The following MITF variants were observed in gnomAD, a reference collection of about 807,000 sequenced individuals.
The protein encoded by MITF is microphthalmia-associated transcription factor.
Under a neutral mutation model 60.5 loss-of-function variants are expected in MITF, and 17 were observed. The observed-to-expected ratio is 0.28, with a 90% CI of 0.19 to 0.42. The LOEUF (loss-of-function observed/expected upper bound fraction) is 0.42, where lower values mean the gene tolerates loss of function less well. MITF is among the 10% of genes least tolerant of loss of function. The pLI, the probability that MITF is intolerant of heterozygous loss-of-function variation, is 1.00. For missense variants in MITF, 622 were observed against 683.5 expected (o/e 0.91, Z 1.00); for synonymous variants, 260 against 248.5 (o/e 1.05, Z -0.43).
At chr3:69,862,493 A>G (rs1377560371) in intron 1 of MITF, among the ~76,000 whole-genome samples, 4 of 152,220 alleles carry the variant, frequency 2.6e-5, no homozygotes, top group Non-Finnish European at 5.9e-5. Flanking sequence ...ATAAGAAAAT[A>G]TGGTGTGCTC....
intron 1 of MITF, among the ~76,000 whole-genome samples, chr3:69,756,892 G>A (rs1704171859): frequency 6.6e-6 from 1 of 152,156 alleles, no homozygotes; most frequent in Non-Finnish European, 1.5e-5. Context: ...CAGTGATGAT[G>A]ATCTTTTTTA....
chr3:69,910,993 C>T (rs2065212146), intron 2 of MITF, among the ~76,000 whole-genome samples: 1 of 152,062 alleles, frequency 6.6e-6, no homozygotes, highest in Non-Finnish European at 1.5e-5. Flanking sequence ...TCTGTCCCTA[C>T]CCAAATCTCA....
chr3:69,784,601 T>C (rs1306870342), intron 1 of MITF, among the ~76,000 whole-genome samples: 2 of 152,094 alleles, frequency 1.3e-5, no homozygotes, highest in African/African-American at 2.4e-5. Context: ...GTAAATTCCC[T>C]CCCTCCTTCC....
intron 1 of MITF, among the ~76,000 whole-genome samples, chr3:69,785,401 C>T (rs1575708300): frequency 6.6e-6 from 1 of 152,162 alleles, no homozygotes; most frequent in African/African-American, 2.4e-5. Flanking sequence ...ATCCCATGAG[C>T]TCGGTACCAT....
At chr3:69,783,453 G>A (rs1189277202) in intron 1 of MITF, among the ~76,000 whole-genome samples, 2 of 149,988 alleles carry the variant, frequency 1.3e-5, no homozygotes, top group Non-Finnish European at 3.0e-5. Flanking sequence ...GTGTGTGCAC[G>A]TATTCAAAGG....
At chr3:69,784,699 G>A (rs1397447989) in intron 1 of MITF, among the ~76,000 whole-genome samples, 1 of 152,102 alleles carries the variant, frequency 6.6e-6, no homozygotes, top group Non-Finnish European at 1.5e-5. Context: ...ATAACTAGTT[G>A]GATTATTAGA....
At chr3:69,937,126 A>G (rs1391808543) in intron 2 of MITF, 3 of 190,162 alleles carry the variant, frequency 1.6e-5, no homozygotes, top group Non-Finnish European at 3.3e-5. Flanking sequence ...AGGAGAAAAA[A>G]CATCCTGTTG....
rs551084525 is a variant in MITF at position 69,744,184 on chromosome 3, A to G, written c.104+4483A>G. 2.6e-5 allele frequency among the ~76,000 whole-genome samples: 4 copies of G among 152,354 alleles called. No homozygotes were observed. The East Asian group carries it at 7.7e-4, about 29-fold the overall frequency. ...AGACTGTTGCGTCACACGCATACCT[A>G]CATATATTTGGGTGTAAGGCCGCTG... On this transcript the variant is annotated intron_variant, in intron 1 of 9. Transcript: ENST00000352241.
intron 1 of MITF, among the ~76,000 whole-genome samples, chr3:69,768,451 A>G (rs183722799): frequency 6.6e-6 from 1 of 152,342 alleles, no homozygotes; most frequent in Admixed American, 6.5e-5. Flanking sequence ...GCTCCAAGAA[A>G]AGTTCTAGAT....
At chr3:69,744,561 C>T (rs1031135221) in intron 1 of MITF, among the ~76,000 whole-genome samples, 9 of 152,198 alleles carry the variant, frequency 5.9e-5, no homozygotes, top group African/African-American at 1.9e-4. Flanking sequence ...TAGCATGGCA[C>T]CTGACACACA....
chr3:69,828,314 T>C (rs1482824709), intron 1 of MITF, among the ~76,000 whole-genome samples: 1 of 152,208 alleles, frequency 6.6e-6, no homozygotes, highest in East Asian at 1.9e-4. Context: ...CCTTCATTAA[T>C]CTGGAGCTAT....
chr3:69,964,914 A>T lies in MITF; in HGVS notation c.1247A>T (p.Asp416Val). The T allele has an allele frequency of 6.2e-7, 1 of 1,614,008 alleles. No homozygotes were observed. Among genetic ancestry groups the T allele is most frequent in the Non-Finnish European group, 8.5e-7 (1 of 1,180,000 alleles). The change falls in exon 10 of 10, where the codon GAT becomes GTT. Residue 416 changes from aspartate (D) to valine (V), a missense_variant. Coordinates refer to ENST00000352241, the MANE Select transcript of MITF (RefSeq NM_001354604.2). Reference protein sequence around the residue: ...LIPSTGLCSPDLVNRIIKQEP... With the variant: ...LIPSTGLCSPVLVNRIIKQEP... The stretch of plus-strand genomic sequence containing the variant: ...CCATCCACGGGTCTCTGCTCTCCAG[A>T]TTTGGTGAATCGGATCATCAAGCAA...
chr3:69,831,653 T>G (rs1044655009), intron 1 of MITF, among the ~76,000 whole-genome samples: 4 of 152,220 alleles, frequency 2.6e-5, no homozygotes, highest in African/African-American at 9.6e-5. Context: ...GGTTGTTTGC[T>G]TTGTTTCTTT....
chr3:69,961,127 G>A (rs914501011), intron 9 of MITF, among the ~76,000 whole-genome samples: 2 of 152,110 alleles, frequency 1.3e-5, no homozygotes, highest in Non-Finnish European at 2.9e-5. Flanking sequence ...GCTCACGCCT[G>A]TAATCCCAGC....
chr3:69,768,609 C>T (rs888534881), intron 1 of MITF, among the ~76,000 whole-genome samples: 6 of 152,118 alleles, frequency 3.9e-5, no homozygotes, highest in Non-Finnish European at 7.3e-5. Context: ...AGGTTATTAC[C>T]GGTGTTTGGA....
At chr3:69,814,422 A>C (rs1398937302) in intron 1 of MITF, among the ~76,000 whole-genome samples, 2 of 152,070 alleles carry the variant, frequency 1.3e-5, no homozygotes, top group Non-Finnish European at 2.9e-5. Flanking sequence ...TTAATTTCCC[A>C]GGCTCAAGCG....
chr3:69,814,113 T>A (rs1490832802), intron 1 of MITF, among the ~76,000 whole-genome samples: 2 of 152,014 alleles, frequency 1.3e-5, no homozygotes, highest in Non-Finnish European at 2.9e-5. Context: ...TTCGACCTAT[T>A]TCCTGTTTAT....
intron 1 of MITF, among the ~76,000 whole-genome samples, chr3:69,815,996 G>C (rs971545636): frequency 7.2e-5 from 11 of 152,186 alleles, no homozygotes; most frequent in Middle Eastern, 3.4e-3. Context: ...GAACACTCCT[G>C]GTGTTTAAAG....
At chr3:69,919,627 T>C (rs1405394566) in intron 2 of MITF, among the ~76,000 whole-genome samples, 1 of 152,230 alleles carries the variant, frequency 6.6e-6, no homozygotes. Flanking sequence ...AATAGCACAA[T>C]GTGCCTCTTG....
Sources: gnomAD v4.1 joint callset for allele counts (sites outside exome capture counted in the v4.1 genomes callset) on GRCh38, gnomAD v4.1.1 for gene constraint, MANE v1.5 for transcripts, NCBI Gene and HGNC (gene_info 2026-07-23, HGNC 2026-07-21) for gene names.